DDX31: variants seen among roughly 807,000 people sequenced by gnomAD.
The protein encoded by DDX31 is ATP-dependent DNA helicase DDX31.
Under a neutral mutation model 91.3 loss-of-function variants are expected in DDX31, and 70 were observed. The ratio of observed to expected loss-of-function variants is 0.77; its 90% CI spans 0.63 to 0.94. DDX31 has a LOEUF of 0.94. DDX31 is among the 40% of genes least tolerant of loss of function. The pLI is 0.00. For synonymous variants in DDX31, 362 were observed against 350.6 expected, an observed-to-expected ratio of 1.03 and a Z score of -0.36; for missense variants, 902 against 925.0, an observed-to-expected ratio of 0.98 and a Z score of 0.32.
rs146605257 is a variant in DDX31 at position 132,635,647 on chromosome 9, T to C, written c.1441-3556A>G. ...AAACAATAATACTATGCAAAATTTC[T>C]ATAAGAAACACACTCCCGGTGGGCG... On this transcript the variant is annotated intron_variant, in intron 14 of 19. Transcript: ENST00000372159. Among the ~76,000 whole-genome samples, 406 of 151,478 alleles carry C rather than the reference T, an allele frequency of 2.7e-3. 2 individuals are homozygous for C. Among genetic ancestry groups the C allele is most frequent in the African/African-American group, 9.1e-3 (378 of 41,364 alleles).
intron 12 of DDX31, 110 bp from the exon 13 acceptor site, chr9:132,646,181 G>C: frequency 1.8e-6 from 2 of 1,137,568 alleles, no homozygotes; most frequent in Non-Finnish European, 1.2e-6. Flanking sequence ...TGGAAATAAA[G>C]GTGACTATCT....
At chr9:132,637,368 G>C (rs762731824) in intron 14 of DDX31, among the ~76,000 whole-genome samples, 1 of 152,236 alleles carries the variant, frequency 6.6e-6, no homozygotes, top group East Asian at 1.9e-4. Context: ...GACACTCAAC[G>C]GTGAGGCCTT....
chr9:132,644,421 T>C (rs1833689426), intron 13 of DDX31, among the ~76,000 whole-genome samples: 1 of 152,108 alleles, frequency 6.6e-6, no homozygotes. Flanking sequence ...TCATCCCCAT[T>C]TTACAGACAT....
intron 14 of DDX31, among the ~76,000 whole-genome samples, chr9:132,641,368 C>T (rs1443130845): frequency 6.6e-6 from 1 of 152,194 alleles, no homozygotes; most frequent in Non-Finnish European, 1.5e-5. Context: ...CAAGATGGAA[C>T]AGAGAAGGCA....
At chr9:132,666,373 G>C (rs1196596580) in intron 1 of DDX31, among the ~76,000 whole-genome samples, 2 of 151,606 alleles carry the variant, frequency 1.3e-5, no homozygotes, top group Middle Eastern at 3.2e-3. Context: ...AAAACATCAT[G>C]TGTAGTGATT....
chr9:132,601,274 G>T (rs961678709), intron 19 of DDX31, among the ~76,000 whole-genome samples: 3 of 152,212 alleles, frequency 2.0e-5, no homozygotes, highest in African/African-American at 7.2e-5. Flanking sequence ...CTGGCAAGGT[G>T]AGCTTGAACT....
chr9:132,659,050 A>G (rs1221586296), intron 5 of DDX31, among the ~76,000 whole-genome samples: 2 of 152,378 alleles, frequency 1.3e-5, no homozygotes, highest in Non-Finnish European at 2.9e-5. Flanking sequence ...TAGGAGCCAG[A>G]AAATTCCTCC....
intron 19 of DDX31, among the ~76,000 whole-genome samples, chr9:132,605,684 G>A (rs1462512340): frequency 1.3e-5 from 2 of 152,214 alleles, no homozygotes; most frequent in African/African-American, 4.8e-5. Context: ...CCTGGCTGGA[G>A]AGGGCACAGC....
chr9:132,646,879 CCA>C lies in DDX31; in HGVS notation c.1145_1146del (p.Val382GlyfsTer21), dbSNP rs1175228260. 2 of 1,614,068 alleles carry C rather than the reference CCA, an allele frequency of 1.2e-6. No individual in the cohort carries two copies. Among genetic ancestry groups the C allele is most frequent in the Non-Finnish European group, 1.7e-6 (2 of 1,180,046 alleles). ...IPESLKQHVT[V>X]VPSKLRLVCL... ...CAGACAAGCCTCAGTTTGCTGGGAACCACAGTCACATGCTGCTTGAGACTCTC... is the reference window on the plus strand; with the variant it reads ...CAGACAAGCCTCAGTTTGCTGGGAACCAGTCACATGCTGCTTGAGACTCTC... On this transcript the variant is annotated frameshift_variant, in exon 12 of 20. Transcript: ENST00000372159. LOFTEE classifies it high-confidence loss of function.
intron 1 of DDX31, chr9:132,669,421 T>C: frequency 2.3e-6 from 1 of 430,672 alleles, no homozygotes; most frequent in South Asian, 2.0e-5. Flanking sequence ...CTGATGAGAA[T>C]TTATGGTTTG....
intron 6 of DDX31, among the ~76,000 whole-genome samples, chr9:132,656,856 T>C (rs1834603657): frequency 1.3e-5 from 2 of 152,186 alleles, no homozygotes; most frequent in Non-Finnish European, 1.5e-5. Flanking sequence ...TACTACATGA[T>C]TGTAGTAATT....
At chr9:132,666,835 T>C (rs1835343824) in intron 1 of DDX31, among the ~76,000 whole-genome samples, 2 of 151,998 alleles carry the variant, frequency 1.3e-5, no homozygotes, top group Non-Finnish European at 2.9e-5. Context: ...GCCTCCCGAG[T>C]GGCTTGGACT....
At chr9:132,636,819 A>T (rs1199003380) in intron 14 of DDX31, among the ~76,000 whole-genome samples, 1 of 152,108 alleles carries the variant, frequency 6.6e-6, no homozygotes, top group African/African-American at 2.4e-5. Flanking sequence ...GGCAAGTCCT[A>T]GTCTAGGAAG....
intron 1 of DDX31, 135 bp from the exon 2 acceptor site, chr9:132,662,830 A>C: frequency 8.1e-7 from 1 of 1,235,242 alleles, no homozygotes; most frequent in Non-Finnish European, 1.1e-6. Flanking sequence ...GTCAAGCAAC[A>C]GTTTAGGGTT....
At chr9:132,639,814 T>C (rs1293720630) in intron 14 of DDX31, among the ~76,000 whole-genome samples, 1 of 152,228 alleles carries the variant, frequency 6.6e-6, no homozygotes, top group African/African-American at 2.4e-5. Context: ...AAAGATAAAA[T>C]ATTCTGTTCC....
At chr9:132,612,484 T>C (rs1831405493) in intron 18 of DDX31, among the ~76,000 whole-genome samples, 1 of 152,190 alleles carries the variant, frequency 6.6e-6, no homozygotes, top group Admixed American at 6.5e-5. Flanking sequence ...TACTTGAATA[T>C]GCCCGATAAA....
At chr9:132,655,392 A>T (rs2130811800) in intron 6 of DDX31, among the ~76,000 whole-genome samples, 1 of 152,350 alleles carries the variant, frequency 6.6e-6, no homozygotes, top group East Asian at 1.9e-4. Context: ...ATCCTGCATA[A>T]CAAAGCAACC....
chr9:132,627,518 A>C (rs1832469021), intron 16 of DDX31, among the ~76,000 whole-genome samples: 1 of 152,254 alleles, frequency 6.6e-6, no homozygotes, highest in Non-Finnish European at 1.5e-5. Flanking sequence ...AATTCAGGGA[A>C]CTGTCTTATG....
At position 132,662,668 on chromosome 9, in the gene DDX31, G is replaced by T. The variant is rs1402831020; in HGVS notation, c.103C>A (p.Gln35Lys). 2 of 1,613,990 alleles carry T rather than the reference G, an allele frequency of 1.2e-6. No homozygotes were observed. Among genetic ancestry groups the T allele is most frequent in the East Asian group, 4.5e-5 (2 of 44,890 alleles). Reference protein sequence around the residue: ...RQAKATKRKYQASSEAPPAKR... With the variant: ...RQAKATKRKYKASSEAPPAKR... ...GCTGGGGGAGCCTCACTGGACGCTT[G>T]GTATTTTCTTTTCGTAGCCTTTGCT... is the stretch of plus-strand genomic sequence containing the variant. Residue 35 changes from glutamine (Q) to lysine (K), a missense_variant, in exon 2 of 20, where the codon CAA becomes AAA. By Grantham distance (53) the Gln-to-Lys change is moderately conservative. Coordinates refer to ENST00000372159, the MANE Select transcript of DDX31 (RefSeq NM_022779.9).
Sources: gnomAD v4.1 joint callset for allele counts (sites outside exome capture counted in the v4.1 genomes callset) on GRCh38, gnomAD v4.1.1 for gene constraint, MANE v1.5 for transcripts, NCBI Gene and HGNC (gene_info 2026-07-23, HGNC 2026-07-21) for gene names.